The following RNF17 variants were observed in gnomAD, a reference collection of about 807,000 sequenced individuals.
The protein encoded by RNF17 is spermatogenesis associated 23.
In RNF17, 31 loss-of-function variants were observed where a neutral mutation model predicts 200.5. That is an observed-to-expected ratio of 0.15 (90% CI 0.12 to 0.21). RNF17 has a LOEUF of 0.21. RNF17 is among the 10% of genes least tolerant of loss of function. RNF17 has a pLI of 1.00. For synonymous variants in RNF17, 606 were observed against 637.8 expected, an observed-to-expected ratio of 0.95 and a Z score of 0.75; for missense variants, 1,628 against 1,905.1, an observed-to-expected ratio of 0.85 and a Z score of 2.71.
chr13:24,801,445 C>T (rs2079023560), intron 13 of RNF17, among the ~76,000 whole-genome samples: 1 of 152,084 alleles, frequency 6.6e-6, no homozygotes, highest in South Asian at 2.1e-4. Flanking sequence ...GAGTTTGAGA[C>T]CAGCCTGGGC....
At position 24,793,268 on chromosome 13, in the gene RNF17, A is replaced by G; in HGVS notation, c.1162A>G (p.Lys388Glu). 6.2e-7 allele frequency: 1 copy of G among 1,613,988 alleles called. No homozygotes were observed. Among genetic ancestry groups the G allele is most frequent in the Non-Finnish European group, 8.5e-7 (1 of 1,179,942 alleles). Residue 388 changes from lysine to glutamate, a missense_variant, in exon 10 of 36, where the codon AAA becomes GAA. Transcript: ENST00000255324. The part of the protein sequence containing the change: ...PQKDVATASP[K>E]TIAVLPQMGS... ...GAAAGACGTTGCAACAGCATCCCCT[A>G]AAACCATTGCTGTGTTACCTCAGAT... is the stretch of plus-strand genomic sequence containing the variant.
At chr13:24,799,118 T>C (rs1468911053) in intron 11 of RNF17, among the ~76,000 whole-genome samples, 1 of 152,182 alleles carries the variant, frequency 6.6e-6, no homozygotes, top group Non-Finnish European at 1.5e-5. Flanking sequence ...GACAGTCTCA[T>C]TCATCTTTGT....
At position 24,861,302 on chromosome 13, in the gene RNF17, T is replaced by C; in HGVS notation, c.3809T>C (p.Ile1270Thr). 1 of 1,595,674 alleles carries C rather than the reference T, an allele frequency of 6.3e-7. No homozygotes were observed. The highest frequency in any genetic ancestry group is 8.5e-7 in the Non-Finnish European group (1 of 1,169,910). Residue 1270 changes from isoleucine to threonine, a missense_variant, in exon 27 of 36, where the codon ATT (isoleucine) becomes ACT (threonine). Around this residue, in one of 5 missense-constraint regions of RNF17, gnomAD observed 609 missense variants for 681.9 expected, o/e 0.89. Coordinates refer to ENST00000255324, the MANE Select transcript of RNF17 (RefSeq NM_031277.3). ...QYLDHGFTEK[I>T]PQCHLYPILL... ...TTAGATCATGGATTCACTGAAAAGA[T>C]TCCGCAGTGCCATCTTTACCCTATT...
intron 5 of RNF17, among the ~76,000 whole-genome samples, chr13:24,780,066 T>G (rs1374695867): frequency 5.3e-5 from 8 of 152,154 alleles, no homozygotes; most frequent in Non-Finnish European, 1.2e-4. Flanking sequence ...CCTTAGTGAG[T>G]CTCTTTCTCT....
intron 25 of RNF17, among the ~76,000 whole-genome samples, chr13:24,857,005 A>G (rs1270049883): frequency 6.6e-6 from 1 of 152,176 alleles, no homozygotes; most frequent in African/African-American, 2.4e-5. Context: ...TCCAAACCCC[A>G]TGGCTTTGGA....
chr13:24,883,190 T>G, downstream of RNF17: 1 of 1,614,006 alleles, frequency 6.2e-7, no homozygotes, highest in Non-Finnish European at 8.5e-7. Context: ...CAGCTCCGTG[T>G]CCATTAGCAC....
At position 24,844,648 on chromosome 13, in the gene RNF17, A is replaced by T; in HGVS notation, c.2832-4A>T. 6.4e-7 allele frequency: 1 copy of T among 1,573,854 alleles called. No homozygotes were observed. The highest frequency in any genetic ancestry group is 8.7e-7 in the Non-Finnish European group (1 of 1,149,742). ...GGAAAGTTAAATATTTTTTATCTCT[A>T]TAGTTTAGAAGAAAAGATGATAGCT... On this transcript the variant is annotated splice_region_variant and splice_polypyrimidine_tract_variant and intron_variant, in intron 20 of 35. Coordinates refer to ENST00000255324, the MANE Select transcript of RNF17 (RefSeq NM_031277.3).
intron 15 of RNF17, among the ~76,000 whole-genome samples, chr13:24,813,285 A>G (rs1287861220): frequency 1.3e-5 from 2 of 152,084 alleles, no homozygotes; most frequent in African/African-American, 4.8e-5. Context: ...TCAGCCTCCC[A>G]TATTGCTAGT....
intron 32 of RNF17, among the ~76,000 whole-genome samples, chr13:24,871,424 T>A (rs1046292210): frequency 3.3e-5 from 5 of 151,882 alleles, no homozygotes; most frequent in African/African-American, 1.2e-4. Flanking sequence ...TGCAACCTCC[T>A]GCTCCCAGGT....
chr13:24,872,821 C>T (rs1383020522), intron 32 of RNF17, among the ~76,000 whole-genome samples: 2 of 128,774 alleles, frequency 1.6e-5, no homozygotes, highest in East Asian at 4.3e-4. Context: ...AATGTGTTCC[C>T]GATGTTTATG....
intron 22 of RNF17, among the ~76,000 whole-genome samples, chr13:24,849,058 C>T (rs1891560912): frequency 6.6e-6 from 1 of 152,142 alleles, no homozygotes; most frequent in Admixed American, 6.6e-5. Context: ...AGTGTGGTGG[C>T]ATACACCTTT....
Position 24,850,401 on chromosome 13 carries a change from G to T in RNF17, c.3162G>T (p.Leu1054=). ...ATACDCLSLY[L]TGAVATIILQ... is the part of the protein sequence containing the mutation. Reference sequence around the variant, plus strand: ...CTTGTGACTGTCTTTCATTGTACCTGACTGGAGCTGTAGCAACTATAATCT... The same window carrying T: ...CTTGTGACTGTCTTTCATTGTACCTTACTGGAGCTGTAGCAACTATAATCT... The change falls in exon 23 of 36, where the codon CTG becomes CTT. Residue 1054 remains leucine (L), a synonymous_variant. Coordinates refer to ENST00000255324, the MANE Select transcript of RNF17 (RefSeq NM_031277.3). 6.2e-7 allele frequency: 1 copy of T among 1,613,532 alleles called. No individual in the cohort carries two copies. Among genetic ancestry groups the T allele is most frequent in the South Asian group, 1.1e-5 (1 of 90,936 alleles).
At chr13:24,816,869 T>A (rs1303072254) in intron 15 of RNF17, among the ~76,000 whole-genome samples, 6 of 152,198 alleles carry the variant, frequency 3.9e-5, no homozygotes, top group African/African-American at 1.4e-4. Context: ...TTCACCAAGA[T>A]AAAGAAGTAT....
At chr13:24,790,757 T>C (rs933707722) in intron 9 of RNF17, among the ~76,000 whole-genome samples, 2 of 152,116 alleles carry the variant, frequency 1.3e-5, no homozygotes, top group African/African-American at 4.8e-5. Flanking sequence ...TGCTGTGTCC[T>C]CACATGGCAG....
At position 24,877,224 on chromosome 13, in the gene RNF17, T is replaced by C. The variant is rs374439703; in HGVS notation, c.4773+38T>C. The C allele has an allele frequency of 1.5e-5, 23 of 1,541,410 alleles. No individual in the cohort carries two copies. In the African/African-American group the frequency reaches 3.0e-4, roughly 20 times the overall value. On this transcript the variant is annotated intron_variant, in intron 34 of 35. Transcript: ENST00000255324. Reference sequence around the variant, plus strand: ...AGTAGCCAAAATTATTGTAAAGCTATTTCTGTGTCGATACTTTGTAAAGTG... The same window carrying C: ...AGTAGCCAAAATTATTGTAAAGCTACTTCTGTGTCGATACTTTGTAAAGTG...
intron 7 of RNF17, among the ~76,000 whole-genome samples, chr13:24,788,691 G>T (rs1442991001): frequency 6.6e-6 from 1 of 152,116 alleles, no homozygotes; most frequent in Non-Finnish European, 1.5e-5. Flanking sequence ...TGCCTGAGGG[G>T]TAGAATTGGG....
At chr13:24,766,476 TTG>T (rs1202052189) in intron 1 of RNF17, among the ~76,000 whole-genome samples, 1 of 152,244 alleles carries the variant, frequency 6.6e-6, no homozygotes, top group Non-Finnish European at 1.5e-5. Context: ...AATGCTAAGT[TTG>T]TGAAAATGTG....
At chr13:24,827,718 C>CAAAAAAAA (rs1250308715) in intron 16 of RNF17, among the ~76,000 whole-genome samples, 2 of 54,630 alleles carry the variant, frequency 3.7e-5, no homozygotes, top group Non-Finnish European at 6.0e-5. Context: ...AAAAAAAAAA[C>CAAAAAAAA]AAAAAAAAAA....
chr13:24,852,365 C>G (rs776132471), intron 24 of RNF17, among the ~76,000 whole-genome samples: 4 of 152,206 alleles, frequency 2.6e-5, no homozygotes, highest in Non-Finnish European at 5.9e-5. Flanking sequence ...GCCTCGATCT[C>G]CTGACCTCGT....
Sources: gnomAD v4.1 joint callset for allele counts (sites outside exome capture counted in the v4.1 genomes callset) on GRCh38, gnomAD v4.1.1 for gene constraint, gnomAD v4.1.1 regional missense constraint, MANE v1.5 for transcripts, NCBI Gene and HGNC (gene_info 2026-07-23, HGNC 2026-07-21) for gene names.